The following SULF1 variants were observed in gnomAD, a reference collection of about 807,000 sequenced individuals.
The protein encoded by SULF1 is sulfatase 1, also known as extracellular sulfatase Sulf-1.
In SULF1, 46 loss-of-function variants were observed where a neutral mutation model predicts 110.5. The observed-to-expected ratio is 0.42, with a 90% CI of 0.33 to 0.53. SULF1 has a LOEUF of 0.53. Ranked by LOEUF, SULF1 falls within the 20% of genes least tolerant of loss-of-function variation. SULF1 has a pLI of 0.12. For missense variants in SULF1, 941 were observed against 1,094.2 expected (o/e 0.86, Z 1.98); for synonymous variants, 371 against 387.1 (o/e 0.96, Z 0.49).
intron 3 of SULF1, among the ~76,000 whole-genome samples, chr8:69,526,250 C>T (rs923774428): frequency 3.3e-5 from 5 of 152,034 alleles, no homozygotes; most frequent in African/African-American, 1.2e-4. Flanking sequence ...CAGAGCTCTT[C>T]TTCAGTTTCC....
intron 19 of SULF1, among the ~76,000 whole-genome samples, chr8:69,637,047 G>GGTTCTC (rs1811092789): frequency 1.3e-5 from 2 of 152,164 alleles, no homozygotes; most frequent in African/African-American, 2.4e-5. Flanking sequence ...GTTCGTTGTT[G>GGTTCTC]TTGCATAGAA....
intron 5 of SULF1, among the ~76,000 whole-genome samples, chr8:69,574,069 A>G (rs1805430329): frequency 6.6e-6 from 1 of 152,064 alleles, no homozygotes; most frequent in Non-Finnish European, 1.5e-5. Context: ...GCCCTCCTCA[A>G]TCCACACACC....
chr8:69,494,515 G>A (rs1810191388), intron 1 of SULF1, among the ~76,000 whole-genome samples: 1 of 151,986 alleles, frequency 6.6e-6, no homozygotes, highest in South Asian at 2.1e-4. Context: ...AAATTCTAAG[G>A]TATAATTAAA....
intron 19 of SULF1, among the ~76,000 whole-genome samples, chr8:69,633,410 C>T (rs1432741364): frequency 6.6e-6 from 1 of 150,984 alleles, no homozygotes; most frequent in Non-Finnish European, 1.5e-5. Context: ...CTCACTGCAA[C>T]CTCCGCCTCT....
At chr8:69,614,090 TG>T (rs1808885373) in intron 13 of SULF1, among the ~76,000 whole-genome samples, 1 of 151,970 alleles carries the variant, frequency 6.6e-6, no homozygotes, top group African/African-American at 2.4e-5. Flanking sequence ...TGTGGGTGTA[TG>T]TATGTAATAA....
chr8:69,641,370 C>G (rs189672013), intron 22 of SULF1, among the ~76,000 whole-genome samples: 38 of 152,152 alleles, frequency 2.5e-4, no homozygotes, highest in Admixed American at 2.5e-3. Context: ...AAGCAGCAGC[C>G]GTAAGATTCT....
At chr8:69,477,092 C>G (rs2150536097) in intron 1 of SULF1, among the ~76,000 whole-genome samples, 1 of 152,160 alleles carries the variant, frequency 6.6e-6, no homozygotes, top group South Asian at 2.1e-4. Flanking sequence ...ACATGTTACG[C>G]TTTTAGATCT....
chr8:69,640,163 A>AAG (rs1554597247), intron 21 of SULF1, among the ~76,000 whole-genome samples: 3 of 149,828 alleles, frequency 2.0e-5, no homozygotes, highest in African/African-American at 4.9e-5. Flanking sequence ...AAGAAAGAAA[A>AAG]AAAGAAAGAA....
At chr8:69,502,281 G>A (rs970300955) in intron 3 of SULF1, among the ~76,000 whole-genome samples, 22 of 152,180 alleles carry the variant, frequency 1.4e-4, no homozygotes, top group Non-Finnish European at 2.2e-4. Context: ...AAGCTCAGGG[G>A]AATTAGGGGG....
intron 19 of SULF1, chr8:69,638,060 G>T (rs1022439989): frequency 5.9e-6 from 1 of 170,068 alleles, no homozygotes; most frequent in Non-Finnish European, 1.2e-5. Context: ...ATCTTTTCAT[G>T]CTTCATTGGT....
chr8:69,497,244 G>C (rs937280939), intron 2 of SULF1, among the ~76,000 whole-genome samples: 2 of 143,552 alleles, frequency 1.4e-5, no homozygotes, highest in Non-Finnish European at 3.0e-5. Context: ...TGCAACCTCT[G>C]TCTCCTGGAT....
intron 3 of SULF1, among the ~76,000 whole-genome samples, chr8:69,544,474 G>T (rs1038864357): frequency 6.6e-6 from 1 of 151,958 alleles, no homozygotes; most frequent in African/African-American, 2.4e-5. Context: ...TCACCATGTT[G>T]GTCAGGCTGG....
intron 3 of SULF1, among the ~76,000 whole-genome samples, chr8:69,540,311 A>G (rs1813772064): frequency 6.6e-6 from 1 of 152,250 alleles, no homozygotes; most frequent in Non-Finnish European, 1.5e-5. Flanking sequence ...CTACAAATAG[A>G]GAACAAAATA....
chr8:69,583,223 A>G (rs1165052902), intron 6 of SULF1, among the ~76,000 whole-genome samples: 3 of 152,160 alleles, frequency 2.0e-5, no homozygotes, highest in Admixed American at 2.0e-4. Flanking sequence ...GAAACTCTAA[A>G]GCTCTATTCT....
chr8:69,591,370 C>G (rs1806884222), intron 8 of SULF1, among the ~76,000 whole-genome samples: 3 of 151,734 alleles, frequency 2.0e-5, no homozygotes, highest in African/African-American at 7.3e-5. Context: ...TTGGCTAACA[C>G]TGTGAAACAC....
intron 5 of SULF1, among the ~76,000 whole-genome samples, chr8:69,573,821 T>C (rs1463530664): frequency 6.6e-6 from 1 of 152,224 alleles, no homozygotes; most frequent in Non-Finnish European, 1.5e-5. Flanking sequence ...CCATAAGGCA[T>C]ATTCCTTTTT....
At chr8:69,574,679 G>A (rs1805472665) in intron 5 of SULF1, among the ~76,000 whole-genome samples, 1 of 152,178 alleles carries the variant, frequency 6.6e-6, no homozygotes, top group Admixed American at 6.5e-5. Context: ...GAATGCTGAG[G>A]TTGATAGAAT....
chr8:69,533,131 A>T (rs534225984), intron 3 of SULF1, among the ~76,000 whole-genome samples: 13 of 152,326 alleles, frequency 8.5e-5, no homozygotes, highest in Non-Finnish European at 1.0e-4. Context: ...ACCGATACCT[A>T]TTATCCCAGC....
chr8:69,651,209 T>G (rs1318584247), intron 22 of SULF1, among the ~76,000 whole-genome samples: 1 of 151,954 alleles, frequency 6.6e-6, no homozygotes, highest in East Asian at 1.9e-4. Flanking sequence ...CCTGCCACCA[T>G]GCCCAGCTAA....
Sources: gnomAD v4.1 joint callset for allele counts (sites outside exome capture counted in the v4.1 genomes callset) on GRCh38, gnomAD v4.1.1 for gene constraint, MANE v1.5 for transcripts, NCBI Gene and HGNC (gene_info 2026-07-23, HGNC 2026-07-21) for gene names.